Variants in SOS2 observed in about 807,000 individuals in gnomAD.
SOS2 encodes the protein SOS Ras/Rho guanine nucleotide exchange factor 2.
SOS2 carries 65 observed loss-of-function variants against 148.2 expected under a neutral mutation model. The ratio of observed to expected loss-of-function variants is 0.44; its 90% CI spans 0.36 to 0.54. The LOEUF (loss-of-function observed/expected upper bound fraction) is 0.54, where lower values mean the gene tolerates loss of function less well. SOS2 is among the 20% of genes least tolerant of loss of function. SOS2 has a pLI of 0.00. For missense variants in SOS2, 1,341 were observed against 1,590.2 expected, an observed-to-expected ratio of 0.84 and a Z score of 2.67; for synonymous variants, 539 against 537.1, an observed-to-expected ratio of 1.00 and a Z score of -0.05.
At chr14:50,225,118 A>G (rs1222356708) in intron 1 of SOS2, among the ~76,000 whole-genome samples, 1 of 152,178 alleles carries the variant, frequency 6.6e-6, no homozygotes, top group Non-Finnish European at 1.5e-5. Flanking sequence ...CTTATGTAAA[A>G]GAAGAAAATA....
intron 1 of SOS2, among the ~76,000 whole-genome samples, chr14:50,213,490 A>G (rs1382532269): frequency 6.6e-6 from 1 of 152,160 alleles, no homozygotes; most frequent in Non-Finnish European, 1.5e-5. Context: ...ACTTGAGGCC[A>G]GGAGTTCAAG....
chr14:50,207,847 C>T (rs1467698106), intron 1 of SOS2, among the ~76,000 whole-genome samples: 1 of 145,918 alleles, frequency 6.9e-6, no homozygotes, highest in East Asian at 2.0e-4. Flanking sequence ...CAGACGCTGC[C>T]GTGAGCTGAG....
chr14:50,216,691 T>C (rs1314731151), intron 1 of SOS2, among the ~76,000 whole-genome samples: 1 of 152,022 alleles, frequency 6.6e-6, no homozygotes, highest in Admixed American at 6.6e-5. Flanking sequence ...GCTGAGATCG[T>C]GCTGCTGCAC....
At chr14:50,198,312 G>T (rs1886377689) in intron 4 of SOS2, among the ~76,000 whole-genome samples, 1 of 148,240 alleles carries the variant, frequency 6.7e-6, no homozygotes, top group East Asian at 2.0e-4. Flanking sequence ...ACTTTTTGTT[G>T]TACTTCCAAC....
chr14:50,135,547 T>A (rs1310385842), intron 18 of SOS2, among the ~76,000 whole-genome samples: 1 of 148,448 alleles, frequency 6.7e-6, no homozygotes, highest in Non-Finnish European at 1.5e-5. Flanking sequence ...TATATAATTA[T>A]TAATAATTTA....
chr14:50,215,389 C>T, intron 1 of SOS2: 3 of 1,282,008 alleles, frequency 2.3e-6, no homozygotes, highest in Non-Finnish European at 3.0e-6. Context: ...AATGCTGTAA[C>T]AGGACATCAA....
intron 7 of SOS2, among the ~76,000 whole-genome samples, chr14:50,177,829 T>G (rs1885574577): frequency 6.6e-6 from 1 of 152,102 alleles, no homozygotes; most frequent in Non-Finnish European, 1.5e-5. Context: ...ACATGTCATA[T>G]TTGAAGTGCG....
At chr14:50,191,901 G>C (rs1299511641) in intron 4 of SOS2, among the ~76,000 whole-genome samples, 5 of 151,968 alleles carry the variant, frequency 3.3e-5, no homozygotes, top group Admixed American at 6.6e-5. Context: ...CTATTCACTA[G>C]AAGGTCACCA....
intron 12 of SOS2, chr14:50,155,820 C>T (rs1884794704): frequency 6.6e-6 from 1 of 152,094 alleles, no homozygotes; most frequent in African/African-American, 2.4e-5. Flanking sequence ...CACCCAATAG[C>T]AACCTCATAA....
intron 1 of SOS2, among the ~76,000 whole-genome samples, chr14:50,213,890 G>T (rs74554373): frequency 0.038 from 3,036 of 80,752 alleles, 60 homozygotes; most frequent in Non-Finnish European, 0.048. Flanking sequence ...TCCCTGCCAA[G>T]AAAAAAAAAA....
chr14:50,212,571 G>A (rs1422747973), intron 1 of SOS2, among the ~76,000 whole-genome samples: 1 of 152,224 alleles, frequency 6.6e-6, no homozygotes, highest in Non-Finnish European at 1.5e-5. Flanking sequence ...CTTCTTACCT[G>A]AGTGTTAAAT....
intron 5 of SOS2, 29 bp downstream of exon 5, chr14:50,188,468 C>G (rs760469602): frequency 9.5e-6 from 14 of 1,475,882 alleles, no homozygotes; most frequent in Non-Finnish European, 1.2e-5. Context: ...TTGGGGTACA[C>G]AGAATTTCAA....
At chr14:50,208,615 C>A (rs1304422949) in intron 1 of SOS2, among the ~76,000 whole-genome samples, 3 of 152,060 alleles carry the variant, frequency 2.0e-5, no homozygotes, top group Admixed American at 6.6e-5. Context: ...CCACCGCACT[C>A]CAGCCTGAGC....
rs1884163906 is a variant in SOS2 at position 50,138,594 on chromosome 14, T to C, written c.2958+18A>G. 7.2e-7 allele frequency: 1 copy of C among 1,386,936 alleles called. No homozygotes were observed. The highest frequency in any genetic ancestry group is 9.7e-7 in the Non-Finnish European group (1 of 1,028,864). The allele number at this position is 1,386,936 out of a possible 1,614,324, so 85.9% of individuals were successfully genotyped here. ...ATTAACACGTTCTCTTCTAAAGATA[T>C]GCAAAGAAAATATTTACCCTCATAT... is the stretch of plus-strand genomic sequence containing the variant. On this transcript the variant is annotated intron_variant, in intron 18 of 22. Coordinates refer to ENST00000216373, the MANE Select transcript of SOS2 (RefSeq NM_006939.4).
intron 21 of SOS2, among the ~76,000 whole-genome samples, chr14:50,122,587 C>A (rs1414787926): frequency 6.6e-6 from 1 of 151,902 alleles, no homozygotes; most frequent in African/African-American, 2.4e-5. Flanking sequence ...GACACGCACA[C>A]TCATGGAAGC....
chr14:50,189,330 G>GA (rs1566472509), intron 4 of SOS2, among the ~76,000 whole-genome samples: 2 of 3,602 alleles, frequency 5.6e-4, no homozygotes, highest in African/African-American at 1.5e-3. Flanking sequence ...ACACATAATA[G>GA]CAAAAAAAAA....
intron 7 of SOS2, among the ~76,000 whole-genome samples, chr14:50,180,160 C>T (rs1399290079): frequency 6.6e-6 from 1 of 151,266 alleles, no homozygotes; most frequent in Non-Finnish European, 1.5e-5. Flanking sequence ...CTCACCACCA[C>T]GCCCAGCTAA....
intron 18 of SOS2, 93 bp from the exon 19 acceptor site, chr14:50,134,332 ATTAC>A (rs1884004655): frequency 1.5e-6 from 1 of 652,698 alleles, no homozygotes; most frequent in African/African-American, 1.9e-5. Flanking sequence ...TTTGCTGAAA[ATTAC>A]TTATTTAATG....
Position 50,231,267 on chromosome 14 carries a change from T to C in SOS2, c.17A>G (p.Gln6Arg). The C allele has an allele frequency of 2.0e-6, 3 of 1,474,728 alleles. No individual in the cohort carries two copies. The highest frequency in any genetic ancestry group is 1.4e-5 in the African/African-American group (1 of 70,154). 91.4% of individuals were successfully genotyped at this position (1,474,728 alleles called of 1,614,324 possible). A position where few individuals can be genotyped will look rare whatever the true frequency, so the allele number is the denominator to read the frequency against. ...CTCCTCGCTGAAGAACTCGTAAGGC[T>C]GCGGCGCCTGCTGCATGGCCCCGGC... Reference protein sequence around the residue: MQQAPQPYEFFSEENS... With the variant: MQQAPRPYEFFSEENS... The change falls in exon 1 of 23, where the codon CAG (glutamine) becomes CGG (arginine). Residue 6 changes from glutamine (Q) to arginine (R), a missense_variant. Gln to Arg is a conservative substitution (Grantham distance 43). Around this residue, in one of 4 missense-constraint regions of SOS2, gnomAD observed 574 missense variants for 711.1 expected, o/e 0.81. Coordinates refer to ENST00000216373, the MANE Select transcript of SOS2 (RefSeq NM_006939.4).
Sources: gnomAD v4.1 joint callset for allele counts (sites outside exome capture counted in the v4.1 genomes callset) on GRCh38, gnomAD v4.1.1 for gene constraint, gnomAD v4.1.1 regional missense constraint, MANE v1.5 for transcripts, NCBI Gene and HGNC (gene_info 2026-07-23, HGNC 2026-07-21) for gene names.